The following NRG3 variants were observed in gnomAD, a reference collection of about 807,000 sequenced individuals.
NRG3 encodes neuregulin 3.
NRG3 carries 31 observed loss-of-function variants against 66.9 expected under a neutral mutation model. The observed-to-expected ratio is 0.46, with a 90% CI of 0.35 to 0.63. The LOEUF is 0.63. Among genes scored for constraint, NRG3 ranks in the 20% least tolerant of loss-of-function variants. NRG3 has a pLI of 0.00. For synonymous variants in NRG3, 393 were observed against 359.4 expected (o/e 1.09, Z -1.06); for missense variants, 910 against 878.9 (o/e 1.04, Z -0.45).
At chr10:82,321,726 A>G (rs1564793572) in intron 1 of NRG3, among the ~76,000 whole-genome samples, 1 of 152,258 alleles carries the variant, frequency 6.6e-6, no homozygotes, top group Non-Finnish European at 1.5e-5. Context: ...CATAGCTCAT[A>G]TAAGAACACA....
At chr10:82,167,635 C>T (rs1233273354) in intron 1 of NRG3, among the ~76,000 whole-genome samples, 1 of 152,096 alleles carries the variant, frequency 6.6e-6, no homozygotes, top group Non-Finnish European at 1.5e-5. Context: ...TCCTAGCACA[C>T]ATGGGCTCAG....
intron 1 of NRG3, among the ~76,000 whole-genome samples, chr10:82,091,941 TCTTA>T (rs1170934596): frequency 1.3e-5 from 2 of 152,178 alleles, no homozygotes; most frequent in Non-Finnish European, 2.9e-5. Flanking sequence ...CATCAATATA[TCTTA>T]CTTGGAGAAA....
intron 1 of NRG3, among the ~76,000 whole-genome samples, chr10:82,112,180 C>T (rs2067426083): frequency 6.6e-6 from 1 of 152,138 alleles, no homozygotes; most frequent in African/African-American, 2.4e-5. Context: ...AAGTTCGAGG[C>T]TGCAATAAGC....
intron 1 of NRG3, among the ~76,000 whole-genome samples, chr10:81,986,051 T>A (rs1589691175): frequency 6.6e-6 from 1 of 152,156 alleles, no homozygotes; most frequent in East Asian, 1.9e-4. Flanking sequence ...TCTTATTTGA[T>A]TTTTTGGCCT....
intron 3 of NRG3, among the ~76,000 whole-genome samples, chr10:82,761,854 T>G (rs1231070509): frequency 6.6e-6 from 1 of 151,572 alleles, no homozygotes; most frequent in East Asian, 1.9e-4. Context: ...ATAAATTGTA[T>G]TTTTTTCTTT....
At chr10:82,765,919 T>G (rs2135120492) in intron 3 of NRG3, among the ~76,000 whole-genome samples, 1 of 152,292 alleles carries the variant, frequency 6.6e-6, no homozygotes, top group South Asian at 2.1e-4. Context: ...TAATATCAGA[T>G]TTGATTTCCA....
intron 2 of NRG3, among the ~76,000 whole-genome samples, chr10:82,365,541 G>A (rs2084465590): frequency 6.6e-6 from 1 of 152,180 alleles, no homozygotes; most frequent in African/African-American, 2.4e-5. Context: ...AGCTTGTCAT[G>A]ATAGTCTTAG....
intron 2 of NRG3, among the ~76,000 whole-genome samples, chr10:82,386,343 A>G (rs1564864636): frequency 6.6e-6 from 1 of 152,194 alleles, no homozygotes. Context: ...AAATAATACA[A>G]ACATCAACAA....
intron 1 of NRG3, among the ~76,000 whole-genome samples, chr10:82,237,722 G>C (rs757245934): frequency 9.9e-5 from 15 of 152,104 alleles, no homozygotes; most frequent in Non-Finnish European, 1.8e-4. Context: ...CCTGTAAATA[G>C]AAATGTATAT....
rs1284467141 is a variant in NRG3, at chr10:82,769,552, T to C, written c.1027+30902T>C. On this transcript the variant is annotated intron_variant, in intron 3 of 8. Coordinates refer to ENST00000372141, the MANE Select transcript of NRG3 (RefSeq NM_001010848.4). ...TAATTTAAGAGTAAAGCAGTTCTTA[T>C]CACTGTGATATGTGTTTAGGATATG... 2.6e-5 allele frequency among the ~76,000 whole-genome samples: 4 copies of C among 152,144 alleles called. No homozygotes were observed. The East Asian group carries it at 7.7e-4, about 29-fold the overall frequency.
chr10:82,141,704 T>C (rs2069794407), intron 1 of NRG3, among the ~76,000 whole-genome samples: 4 of 152,180 alleles, frequency 2.6e-5, no homozygotes, highest in Admixed American at 2.6e-4. Flanking sequence ...CATCATAAAA[T>C]GCTGAATCTT....
intron 1 of NRG3, among the ~76,000 whole-genome samples, chr10:82,348,647 A>T (rs1032900810): frequency 2.0e-5 from 3 of 148,068 alleles, no homozygotes; most frequent in African/African-American, 7.5e-5. Context: ...CTCCTGGATA[A>T]TATCCTGCAG....
chr10:82,050,007 C>T (rs1332058699), intron 1 of NRG3, among the ~76,000 whole-genome samples: 2 of 152,028 alleles, frequency 1.3e-5, no homozygotes, highest in Non-Finnish European at 2.9e-5. Flanking sequence ...CTATTATCCA[C>T]CCCACACACT....
At chr10:82,445,703 C>T (rs1055567962) in intron 2 of NRG3, among the ~76,000 whole-genome samples, 7 of 152,168 alleles carry the variant, frequency 4.6e-5, no homozygotes, top group Non-Finnish European at 2.9e-5. Flanking sequence ...GCCTGGGAGC[C>T]AGGTCCTTTT....
rs11268762 is a variant in NRG3, at chr10:81,918,818, C to CAAAAAACAAAA, written c.823+42657_823+42667dup. Among the ~76,000 whole-genome samples, 287 of 145,758 alleles carry CAAAAAACAAAA rather than the reference C, an allele frequency of 2.0e-3. 1 individual carries two copies. The highest frequency in any genetic ancestry group is 0.01 in the Middle Eastern group (3 of 286). ...TTTGTTCATACTACTAGGATTTTTG[C>CAAAAAACAAAA]AAAAAACAAAAACAAACACAAAACT... On this transcript the variant is annotated intron_variant, in intron 1 of 8. Coordinates refer to ENST00000372141, the MANE Select transcript of NRG3 (RefSeq NM_001010848.4).
chr10:82,754,356 T>TC (rs1464125062), intron 3 of NRG3, among the ~76,000 whole-genome samples: 1 of 151,798 alleles, frequency 6.6e-6, no homozygotes, highest in African/African-American at 2.4e-5. Flanking sequence ...GTCTTCCATA[T>TC]CCCCCAAAAT....
At chr10:82,367,129 C>T (rs4506582) in intron 2 of NRG3, among the ~76,000 whole-genome samples, 20,737 of 152,112 alleles carry the variant, frequency 0.14, 2,664 homozygotes, top group African/African-American at 0.33. Flanking sequence ...TATTCAATGT[C>T]ATACACACAC....
At chr10:82,967,620 T>C (rs1462429221) in intron 6 of NRG3, among the ~76,000 whole-genome samples, 1 of 152,168 alleles carries the variant, frequency 6.6e-6, no homozygotes, top group Non-Finnish European at 1.5e-5. Flanking sequence ...CTCTCTTACG[T>C]GAGACGGAAA....
At chr10:82,143,777 C>A (rs543929102) in intron 1 of NRG3, among the ~76,000 whole-genome samples, 1 of 152,300 alleles carries the variant, frequency 6.6e-6, no homozygotes, top group Admixed American at 6.5e-5. Flanking sequence ...CGCCTGTTAT[C>A]CCAGCACTTT....
Sources: allele counts gnomAD v4.1 joint callset (sites outside exome capture counted in the v4.1 genomes callset), GRCh38; gene constraint gnomAD v4.1.1; transcripts MANE v1.5; gene names NCBI Gene and HGNC (gene_info 2026-07-23, HGNC 2026-07-21).